Variants in CCSER1 observed in about 807,000 individuals in gnomAD.
CCSER1 encodes the protein serine-rich coiled-coil domain-containing protein 1.
Under a neutral mutation model 82.0 loss-of-function variants are expected in CCSER1, and 41 were observed. That is an observed-to-expected ratio of 0.50 (90% CI 0.39 to 0.65). CCSER1 has a LOEUF of 0.65. CCSER1 is among the 30% of genes least tolerant of loss of function. The pLI is 0.00. For missense variants in CCSER1, 1,119 were observed against 1,064.2 expected (o/e 1.05, Z -0.72); for synonymous variants, 414 against 383.9 (o/e 1.08, Z -0.92).
At chr4:90,890,340 G>A (rs188248465) in intron 8 of CCSER1, among the ~76,000 whole-genome samples, 6 of 152,022 alleles carry the variant, frequency 3.9e-5, no homozygotes, top group South Asian at 4.1e-4. Flanking sequence ...ACTCCTATCC[G>A]GATAAATTGT....
intron 9 of CCSER1, among the ~76,000 whole-genome samples, chr4:90,996,844 C>T (rs1228554959): frequency 1.3e-5 from 2 of 152,052 alleles, no homozygotes; most frequent in Non-Finnish European, 2.9e-5. Flanking sequence ...TAGTGTGCTG[C>T]TTTCTATTAC....
chr4:90,385,457 GT>G (rs1387089133), intron 3 of CCSER1, among the ~76,000 whole-genome samples: 1 of 119,900 alleles, frequency 8.3e-6, no homozygotes, highest in East Asian at 2.3e-4. Context: ...GTGTCTCGGT[GT>G]AGTTTTTTTT....
At chr4:91,590,322 A>T (rs867996120) in intron 10 of CCSER1, among the ~76,000 whole-genome samples, 1 of 152,238 alleles carries the variant, frequency 6.6e-6, no homozygotes, top group South Asian at 2.1e-4. Flanking sequence ...TGTCTGCCAG[A>T]ACCTTTTGAT....
At chr4:91,344,471 G>GTAATGTAA (rs1436560357) in intron 10 of CCSER1, among the ~76,000 whole-genome samples, 1 of 152,150 alleles carries the variant, frequency 6.6e-6, no homozygotes, top group Admixed American at 6.6e-5. Flanking sequence ...AAAAGTAAGT[G>GTAATGTAA]TAATGTAATG....
intron 10 of CCSER1, among the ~76,000 whole-genome samples, chr4:91,484,056 A>T (rs1289791614): frequency 2.2e-4 from 2 of 8,946 alleles, no homozygotes; most frequent in Admixed American, 8.9e-4. Flanking sequence ...CCTATTCTCT[A>T]AAAAAAAAAA....
At chr4:90,771,506 G>T in intron 7 of CCSER1, among the ~76,000 whole-genome samples, 1 of 144,542 alleles carries the variant, frequency 6.9e-6, no homozygotes, top group Non-Finnish European at 1.5e-5. Flanking sequence ...AGCTAGAAAG[G>T]TATAACGTTA....
chr4:91,424,172 G>A (rs1011871704), intron 10 of CCSER1, among the ~76,000 whole-genome samples: 12 of 150,798 alleles, frequency 8.0e-5, no homozygotes, highest in African/African-American at 2.7e-4. Context: ...GCCCGCCACC[G>A]CGCCCGGCTA....
At position 91,598,997 on chromosome 4, in the gene CCSER1, G is replaced by A; in HGVS notation, c.2643G>A (p.Val881=). ...ISLHMYSRKN[V]FLHHNLHSTE... is the part of the protein sequence containing the mutation. ...TACACATGTACAGCAGGAAGAATGT[G>A]TTTCTCCACCACAATTTACACAGCA... Residue 881 remains valine (V), a synonymous_variant, in exon 11 of 11, where the codon GTG becomes GTA. Coordinates refer to ENST00000509176, the MANE Select transcript of CCSER1 (RefSeq NM_001145065.2). 1 of 1,551,488 alleles carries A rather than the reference G, an allele frequency of 6.4e-7. No individual in the cohort carries two copies. Among genetic ancestry groups the A allele is most frequent in the Non-Finnish European group, 8.7e-7 (1 of 1,146,866 alleles).
intron 1 of CCSER1, among the ~76,000 whole-genome samples, chr4:90,173,839 G>A (rs1464022066): frequency 6.6e-6 from 1 of 151,952 alleles, no homozygotes; most frequent in Non-Finnish European, 1.5e-5. Context: ...TTATTTAGGA[G>A]CATTGATTGG....
At chr4:91,027,984 A>T (rs1195260248) in intron 9 of CCSER1, among the ~76,000 whole-genome samples, 1 of 152,070 alleles carries the variant, frequency 6.6e-6, no homozygotes, top group African/African-American at 2.4e-5. Context: ...TAGTTAGGAC[A>T]TGGAAAAGAA....
intron 6 of CCSER1, among the ~76,000 whole-genome samples, chr4:90,688,980 C>G (rs1253768439): frequency 6.6e-6 from 1 of 152,096 alleles, no homozygotes; most frequent in Non-Finnish European, 1.5e-5. Context: ...GCTAAGAAAG[C>G]AAACTTGAGT....
intron 10 of CCSER1, among the ~76,000 whole-genome samples, chr4:91,247,967 C>A (rs955098273): frequency 2.8e-4 from 42 of 151,992 alleles, no homozygotes; most frequent in Admixed American, 2.6e-3. Flanking sequence ...AGGAAGTATA[C>A]AAGATAATCT....
intron 1 of CCSER1, among the ~76,000 whole-genome samples, chr4:90,134,165 C>T (rs1244461094): frequency 6.6e-6 from 1 of 152,154 alleles, no homozygotes; most frequent in African/African-American, 2.4e-5. Context: ...GATGAGGAAA[C>T]CGAGTCTCTG....
In CCSER1 at chr4:90,767,048, A is replaced by G. The variant is rs184662480; in HGVS notation, c.2010+43057A>G. On this transcript the variant is annotated intron_variant, in intron 7 of 10. Coordinates refer to ENST00000509176, the MANE Select transcript of CCSER1 (RefSeq NM_001145065.2). ...TCTGATGAAAGAACAGTGCCCAGCT[A>G]TCTCACATACACCCTGTGTATCATT... Among the ~76,000 whole-genome samples the G allele has an allele frequency of 3.1e-3, 476 of 152,318 alleles. 1 individual carries two copies. Among genetic ancestry groups the G allele is most frequent in the African/African-American group, 0.011 (441 of 41,570 alleles).
intron 9 of CCSER1, among the ~76,000 whole-genome samples, chr4:90,930,923 T>TATAC (rs1729686251): frequency 7.5e-6 from 1 of 133,104 alleles, no homozygotes; most frequent in Admixed American, 7.7e-5. Flanking sequence ...TATATATATA[T>TATAC]ATATATATAT....
At chr4:90,471,090 T>C (rs1446248620) in intron 5 of CCSER1, among the ~76,000 whole-genome samples, 8 of 152,348 alleles carry the variant, frequency 5.3e-5, no homozygotes, top group Non-Finnish European at 1.2e-4. Context: ...TTCTTTATTA[T>C]ATTTAAATCA....
At chr4:90,653,798 T>A (rs1445030242) in intron 6 of CCSER1, among the ~76,000 whole-genome samples, 1 of 152,126 alleles carries the variant, frequency 6.6e-6, no homozygotes, top group Admixed American at 6.6e-5. Context: ...GGTTGTAGGA[T>A]CATGTATTTG....
chr4:91,229,622 T>A (rs1416112840), intron 10 of CCSER1, among the ~76,000 whole-genome samples: 2 of 152,162 alleles, frequency 1.3e-5, no homozygotes, highest in Non-Finnish European at 2.9e-5. Context: ...AAAGAAAATG[T>A]GGCACATATA....
At chr4:90,816,802 C>T (rs1003747335) in intron 8 of CCSER1, among the ~76,000 whole-genome samples, 3 of 152,014 alleles carry the variant, frequency 2.0e-5, no homozygotes, top group African/African-American at 7.2e-5. Context: ...TATAGACCAT[C>T]GAACTTCTGA....
Sources: gnomAD v4.1 joint callset for allele counts (sites outside exome capture counted in the v4.1 genomes callset) on GRCh38, gnomAD v4.1.1 for gene constraint, MANE v1.5 for transcripts, NCBI Gene and HGNC (gene_info 2026-07-23, HGNC 2026-07-21) for gene names.